Variants in MTSS2 observed in about 807,000 individuals in gnomAD.
The protein encoded by MTSS2 is MTSS I-BAR domain containing 2, also known as protein MTSS 2.
A neutral mutation model predicts 67.1 loss-of-function variants in MTSS2; 27 were observed. The ratio of observed to expected loss-of-function variants is 0.40; its 90% CI spans 0.30 to 0.55. The LOEUF (loss-of-function observed/expected upper bound fraction) is 0.55. MTSS2 is among the 20% of genes least tolerant of loss of function. The probability of loss-of-function intolerance (pLI) is 0.43; values close to 1 mark genes in which losing one functional copy is unlikely to be tolerated. For synonymous variants in MTSS2, 624 were observed against 468.6 expected, an observed-to-expected ratio of 1.33 and a Z score of -4.28; for missense variants, 1,171 against 1,067.8, an observed-to-expected ratio of 1.10 and a Z score of -1.35.
chr16:70,678,309 C>T lies in MTSS2; in HGVS notation c.567G>A (p.Ala189=), dbSNP rs146213315. Residue 189 remains alanine (A), a synonymous_variant, in exon 8 of 15, where the codon GCG becomes GCA. Coordinates refer to ENST00000338779, the MANE Select transcript of MTSS2 (RefSeq NM_138383.3). ...AGAAGCGGCCCCGCTCCTCGATCAGCGCCCGGCGCACGGCCTGCTTCTCCG... is the reference window on the plus strand; with the variant it reads ...AGAAGCGGCCCCGCTCCTCGATCAGTGCCCGGCGCACGGCCTGCTTCTCCG... The part of the protein sequence containing the change: ...EETEKQAVRR[A]LIEERGRFCT... The T allele has an allele frequency of 1.3e-4, 216 of 1,612,580 alleles. 1 individual carries two copies. In the East Asian group the frequency reaches 2.1e-3, roughly 15 times the overall value.
Position 70,676,932 on chromosome 16 carries a change from G to A in MTSS2, c.779C>T (p.Thr260Ile). 1 of 1,613,980 alleles carries A rather than the reference G, an allele frequency of 6.2e-7. No individual in the cohort carries two copies. Among genetic ancestry groups the A allele is most frequent in the Non-Finnish European group, 8.5e-7 (1 of 1,179,996 alleles). Residue 260 changes from threonine to isoleucine, a missense_variant, in exon 10 of 15, where the codon ACC becomes ATC. By Grantham distance (89) the Thr-to-Ile change is moderately conservative. Transcript: ENST00000338779. ...GGAGCTGCTGGGTGATGAGGGTGGG[G>A]TCTGGTAGGACCAGCTGTAGTCCGA... ...KGSDYSWSYQ[T>I]PPSSPSSSSS...
chr16:70,669,735 T>G (rs1378259016), intron 11 of MTSS2, among the ~76,000 whole-genome samples: 1 of 150,584 alleles, frequency 6.6e-6, no homozygotes, highest in Admixed American at 6.6e-5. Context: ...GAGAATTGCC[T>G]GAGCCCGGGA....
chr16:70,670,906 A>G (rs1597808278), intron 11 of MTSS2, among the ~76,000 whole-genome samples: 4 of 146,328 alleles, frequency 2.7e-5, no homozygotes, highest in African/African-American at 1.0e-4. Flanking sequence ...GGAGTTTGAG[A>G]CTGCACTGAG....
chr16:70,676,953 T>A lies in MTSS2; in HGVS notation c.758A>T (p.Asp253Val), dbSNP rs2053135421. The A allele has an allele frequency of 1.2e-6, 2 of 1,613,696 alleles. No homozygotes were observed. The highest frequency in any genetic ancestry group is 2.7e-5 in the African/African-American group (2 of 74,792). ...TGGGGTCTGGTAGGACCAGCTGTAGTCCGAGCCCTTTAGGTCTTTGATTAC... is the reference window on the plus strand; with the variant it reads ...TGGGGTCTGGTAGGACCAGCTGTAGACCGAGCCCTTTAGGTCTTTGATTAC... ...EQVIKDLKGS[D>V]YSWSYQTPPS... is the part of the protein sequence containing the mutation. The change falls in exon 10 of 15, where the codon GAC becomes GTC. Residue 253 changes from aspartate to valine, a missense_variant. Asp to Val is a radical substitution (Grantham distance 152). Around this residue, in one of 2 missense-constraint regions of MTSS2, gnomAD observed 924 missense variants for 756.0 expected, o/e 1.22. Coordinates refer to ENST00000338779, the MANE Select transcript of MTSS2 (RefSeq NM_138383.3).
intron 11 of MTSS2, among the ~76,000 whole-genome samples, chr16:70,670,787 G>C (rs532500961): frequency 1.6e-4 from 25 of 151,944 alleles, no homozygotes; most frequent in African/African-American, 4.3e-4. Context: ...AACATAGTGA[G>C]ACCCCCATCT....
Position 70,666,266 on chromosome 16 carries a change from G to A in MTSS2, c.1054-726C>T, listed in dbSNP as rs554795172. 2.0e-4 allele frequency among the ~76,000 whole-genome samples: 31 copies of A among 152,252 alleles called. No homozygotes were observed. In the East Asian group the frequency reaches 2.5e-3, roughly 12 times the overall value. On this transcript the variant is annotated intron_variant, in intron 11 of 14. Transcript: ENST00000338779. ...GGCACAGGGTGTCCATGGAGACCCC[G>A]AGGAGAACTGCTACCATAGAAGGGG...
intron 7 of MTSS2, among the ~76,000 whole-genome samples, chr16:70,678,833 A>G (rs1175866928): frequency 6.6e-6 from 1 of 152,144 alleles, no homozygotes; most frequent in African/African-American, 2.4e-5. Flanking sequence ...GCCAGGCCAC[A>G]GGGGGCGGGG....
At chr16:70,678,955 AAGAG>A (rs1191415168) in intron 7 of MTSS2, among the ~76,000 whole-genome samples, 3 of 152,214 alleles carry the variant, frequency 2.0e-5, no homozygotes, top group South Asian at 2.1e-4. Context: ...AGCAGCAAGA[AAGAG>A]AGAGGCGAGA....
chr16:70,663,853 C>T lies in MTSS2; in HGVS notation c.2068G>A (p.Glu690Lys). 6.5e-7 allele frequency: 1 copy of T among 1,542,100 alleles called. No individual in the cohort carries two copies. Among genetic ancestry groups the T allele is most frequent in the Non-Finnish European group, 8.7e-7 (1 of 1,146,450 alleles). ...ELVAGAHALG[E>K]GQFPFPTALS... ...GCAGTGGGGAAGGGGAACTGGCCCT[C>T]ACCCAGTGCGTGGGCACCCGCCACC... Residue 690 changes from glutamate (E) to lysine (K), a missense_variant, in exon 15 of 15, where the codon GAG becomes AAG. Around this residue, in one of 2 missense-constraint regions of MTSS2, gnomAD observed 924 missense variants for 756.0 expected, o/e 1.22. Coordinates refer to ENST00000338779, the MANE Select transcript of MTSS2 (RefSeq NM_138383.3).
At chr16:70,669,059 G>C (rs1031276117) in intron 11 of MTSS2, among the ~76,000 whole-genome samples, 1 of 151,978 alleles carries the variant, frequency 6.6e-6, no homozygotes, top group South Asian at 2.1e-4. Flanking sequence ...AAAACAAAAG[G>C]GCAAAACCAA....
chr16:70,667,485 C>T (rs868494838), intron 11 of MTSS2, among the ~76,000 whole-genome samples: 4 of 151,970 alleles, frequency 2.6e-5, no homozygotes, highest in Non-Finnish European at 4.4e-5. Flanking sequence ...ACAAAACCAC[C>T]CTAAAACATC....
In MTSS2 at chr16:70,665,075, G is replaced by A. The variant is rs553663531; in HGVS notation, c.1150C>T (p.His384Tyr). The change falls in exon 13 of 15, where the codon CAT (histidine) becomes TAT (tyrosine). Residue 384 changes from histidine to tyrosine, a missense_variant. His to Tyr is a moderately conservative substitution (Grantham distance 83, BLOSUM62 2). Transcript: ENST00000338779. ...PTSDWSKVGS[H>Y]EQPSGATLQR... is the part of the protein sequence containing the mutation. Reference sequence around the variant, plus strand: ...AGAGTGGCGCCTGAGGGCTGCTCATGGGAGCCGACCTTGGACCAGTCCTGC... The same window carrying A: ...AGAGTGGCGCCTGAGGGCTGCTCATAGGAGCCGACCTTGGACCAGTCCTGC... The A allele has an allele frequency of 2.5e-6, 4 of 1,597,412 alleles. No homozygotes were observed. Among genetic ancestry groups the A allele is most frequent in the African/African-American group, 2.7e-5 (2 of 75,048 alleles).
chr16:70,666,378 G>GC (rs1168216132), intron 11 of MTSS2, among the ~76,000 whole-genome samples: 8 of 152,124 alleles, frequency 5.3e-5, no homozygotes, highest in East Asian at 1.9e-4. Flanking sequence ...GTTCTGCGAG[G>GC]CCCCCCACTC....
At chr16:70,680,461 C>G (rs2053268628) in intron 3 of MTSS2, among the ~76,000 whole-genome samples, 2 of 152,218 alleles carry the variant, frequency 1.3e-5, no homozygotes, top group Admixed American at 1.3e-4. Context: ...CAACGGCGCG[C>G]TCACCTGACC....
rs1287477989 is a variant in MTSS2 at position 70,662,857 on chromosome 16, G to A, written c.*820C>T. On this transcript the variant is annotated 3_prime_UTR_variant, in exon 15 of 15. Coordinates refer to ENST00000338779, the MANE Select transcript of MTSS2 (RefSeq NM_138383.3). ...AAGTTAAAAGATTGATGTACCCAATGAGAAGTGGACATCTGAAAACGGTGC... is the reference window on the plus strand; with the variant it reads ...AAGTTAAAAGATTGATGTACCCAATAAGAAGTGGACATCTGAAAACGGTGC... The A allele has an allele frequency of 2.0e-5, 3 of 152,444 alleles. No individual in the cohort carries two copies. Among genetic ancestry groups the A allele is most frequent in the Non-Finnish European group, 4.4e-5 (3 of 68,168 alleles). 9.4% of individuals were successfully genotyped at this position (152,444 alleles called of 1,614,324 possible). A position where few individuals can be genotyped will look rare whatever the true frequency, so the allele number is the denominator to read the frequency against.
intron 12 of MTSS2, 121 bp downstream of exon 12, chr16:70,665,345 G>T: frequency 1.8e-6 from 2 of 1,100,358 alleles, no homozygotes; most frequent in East Asian, 2.6e-5. Flanking sequence ...GGGGACAGGT[G>T]CTGTGTGCAC....
intron 1 of MTSS2, among the ~76,000 whole-genome samples, chr16:70,684,038 CT>C (rs1376174784): frequency 6.6e-6 from 1 of 152,246 alleles, no homozygotes; most frequent in Non-Finnish European, 1.5e-5. Flanking sequence ...TCTGGGCCCA[CT>C]TCCTTCTGTC....
intron 11 of MTSS2, among the ~76,000 whole-genome samples, chr16:70,670,614 G>C (rs1234743489): frequency 6.6e-6 from 1 of 152,056 alleles, no homozygotes; most frequent in Non-Finnish European, 1.5e-5. Flanking sequence ...AAACATAACT[G>C]AGCAAAAAGA....
Position 70,676,986 on chromosome 16 carries a change from G to C in MTSS2, c.733-8C>G, listed in dbSNP as rs559002595. 31 of 1,611,590 alleles carry C rather than the reference G, an allele frequency of 1.9e-5. No homozygotes were observed. The African/African-American group carries it at 4.0e-4, about 21-fold the overall frequency. ...CTTTAGGTCTTTGATTACCTGGACA[G>C]GGACATGGATGGGGGTCACTGGAGG... On this transcript the variant is annotated splice_region_variant and splice_polypyrimidine_tract_variant and intron_variant, in intron 9 of 14. Transcript: ENST00000338779.
Sources: allele counts gnomAD v4.1 joint callset (sites outside exome capture counted in the v4.1 genomes callset), GRCh38; gene constraint gnomAD v4.1.1; regional missense constraint gnomAD v4.1.1; transcripts MANE v1.5; gene names NCBI Gene and HGNC (gene_info 2026-07-23, HGNC 2026-07-21).